The following GLYR1 variants were observed in gnomAD, a reference collection of about 807,000 sequenced individuals.
The protein encoded by GLYR1 is glyoxylate reductase 1 homolog, also known as cytokine-like nuclear factor N-PAC.
GLYR1 carries 21 observed loss-of-function variants against 72.7 expected under a neutral mutation model. The ratio of observed to expected loss-of-function variants is 0.29; its 90% confidence interval spans 0.20 to 0.42. The LOEUF (loss-of-function observed/expected upper bound fraction) is 0.42, where lower values mean the gene tolerates loss of function less well. Ranked by LOEUF, GLYR1 falls within the 10% of genes least tolerant of loss-of-function variation. GLYR1 has a pLI of 1.00. For missense variants in GLYR1, 594 were observed against 712.1 expected, an observed-to-expected ratio of 0.83 and a Z score of 1.89; for synonymous variants, 392 against 270.2, an observed-to-expected ratio of 1.45 and a Z score of -4.42.
chr16:4,817,210 C>G (rs890780566), intron 10 of GLYR1, among the ~76,000 whole-genome samples: 4 of 151,874 alleles, frequency 2.6e-5, no homozygotes, highest in African/African-American at 9.7e-5. Context: ...AGCTCTGCCT[C>G]CCGGGTTCAT....
intron 4 of GLYR1, 44 bp downstream of exon 4, chr16:4,832,730 T>A: frequency 6.4e-7 from 1 of 1,561,714 alleles, no homozygotes; most frequent in Non-Finnish European, 8.7e-7. Flanking sequence ...TATGCAAAAA[T>A]CACCAGTCTG....
intron 3 of GLYR1, among the ~76,000 whole-genome samples, chr16:4,842,175 T>C (rs1388598892): frequency 6.7e-6 from 1 of 148,338 alleles, no homozygotes; most frequent in Non-Finnish European, 1.5e-5. Context: ...ACCCGGGAGG[T>C]GGAGCTTGTA....
intron 3 of GLYR1, among the ~76,000 whole-genome samples, chr16:4,842,840 T>C (rs1479326359): frequency 1.3e-5 from 2 of 152,076 alleles, no homozygotes; most frequent in African/African-American, 2.4e-5. Flanking sequence ...GCTGGGATTA[T>C]AGGTGTGCAC....
chr16:4,844,885 G>A (rs972059670), intron 3 of GLYR1, among the ~76,000 whole-genome samples, 189 bp downstream of exon 3: 1 of 152,176 alleles, frequency 6.6e-6, no homozygotes, highest in Admixed American at 6.5e-5. Context: ...TATAGACCTA[G>A]GACAGTTGTC....
At chr16:4,846,837 G>A in intron 1 of GLYR1, 1 of 298,412 alleles carries the variant, frequency 3.4e-6, no homozygotes, top group Non-Finnish European at 6.3e-6. Context: ...TTGACCGAAT[G>A]GCACCGGCCA....
At chr16:4,806,631 C>T (rs1175690612) in intron 15 of GLYR1, among the ~76,000 whole-genome samples, 3 of 151,944 alleles carry the variant, frequency 2.0e-5, no homozygotes, top group Non-Finnish European at 4.4e-5. Context: ...CTCGACCCTG[C>T]CTCGACCTCC....
At chr16:4,843,646 T>G in intron 3 of GLYR1, 1 of 1,288,314 alleles carries the variant, frequency 7.8e-7, no homozygotes, top group South Asian at 1.2e-5. Flanking sequence ...TATAAACTCC[T>G]GGATGAGTGA....
chr16:4,804,879 A>G lies in GLYR1; in HGVS notation c.*357T>C, dbSNP rs1461944706. 3.5e-6 allele frequency: 1 copy of G among 283,904 alleles called. No individual in the cohort carries two copies. Among genetic ancestry groups the G allele is most frequent in the Non-Finnish European group, 6.8e-6 (1 of 146,038 alleles). 17.6% of individuals were successfully genotyped at this position (283,904 alleles called of 1,614,324 possible). The stretch of plus-strand genomic sequence containing the variant: ...GGGGTTTGAGATAAGACAAGCTCGG[A>G]AGAAAAAAAGCCAGGCAGCAGTTTC... On this transcript the variant is annotated 3_prime_UTR_variant, in exon 16 of 16. Coordinates refer to ENST00000321919, the MANE Select transcript of GLYR1 (RefSeq NM_032569.4).
At chr16:4,816,153 T>C (rs1417210397) in intron 10 of GLYR1, among the ~76,000 whole-genome samples, 1 of 152,142 alleles carries the variant, frequency 6.6e-6, no homozygotes, top group Non-Finnish European at 1.5e-5. Context: ...TTTTTGTCCT[T>C]TTTCTTTTCT....
At chr16:4,823,450 TAAAC>T (rs2084170669) in intron 6 of GLYR1, among the ~76,000 whole-genome samples, 1 of 152,138 alleles carries the variant, frequency 6.6e-6, no homozygotes, top group African/African-American at 2.4e-5. Flanking sequence ...ATAATAAAAC[TAAAC>T]ATAAAAGTTG....
At chr16:4,816,177 G>C (rs909262463) in intron 10 of GLYR1, among the ~76,000 whole-genome samples, 1 of 151,978 alleles carries the variant, frequency 6.6e-6, no homozygotes, top group Non-Finnish European at 1.5e-5. Flanking sequence ...ACAGGGTCTT[G>C]CTGCTGCCTA....
intron 10 of GLYR1, 108 bp downstream of exon 10, chr16:4,817,490 G>T (rs1206913786): frequency 1.5e-6 from 1 of 684,758 alleles, no homozygotes; most frequent in Non-Finnish European, 2.6e-6. Flanking sequence ...TAAAAGCTTG[G>T]CTTCTATTCT....
At chr16:4,825,753 G>A (rs1298058028) in intron 5 of GLYR1, among the ~76,000 whole-genome samples, 1 of 152,010 alleles carries the variant, frequency 6.6e-6, no homozygotes, top group African/African-American at 2.4e-5. Flanking sequence ...CTGGGTTCCA[G>A]CGATTCTCCT....
In GLYR1 at chr16:4,816,999, A is replaced by G. The variant is rs544856402; in HGVS notation, c.906+599T>C. 1.8e-3 allele frequency among the ~76,000 whole-genome samples: 270 copies of G among 149,780 alleles called. 2 individuals carry two copies. Among genetic ancestry groups the G allele is most frequent in the South Asian group, 3.6e-3 (17 of 4,718 alleles). Reference sequence around the variant, plus strand: ...TTGTTCTGTTGCCAGGCTGGAGTGCAGTGACACGATCTCAGCTCACTGCAA... The same window carrying G: ...TTGTTCTGTTGCCAGGCTGGAGTGCGGTGACACGATCTCAGCTCACTGCAA... On this transcript the variant is annotated intron_variant, in intron 10 of 15. Coordinates refer to ENST00000321919, the MANE Select transcript of GLYR1 (RefSeq NM_032569.4).
intron 2 of GLYR1, among the ~76,000 whole-genome samples, chr16:4,845,592 T>C (rs9934726): frequency 0.11 from 16,294 of 150,456 alleles, 1,008 homozygotes; most frequent in Admixed American, 0.18. Flanking sequence ...ACACAGGACA[T>C]AGTGAAAACA....
chr16:4,819,853 C>G (rs896216280), intron 9 of GLYR1, among the ~76,000 whole-genome samples: 3 of 152,140 alleles, frequency 2.0e-5, no homozygotes, highest in Non-Finnish European at 4.4e-5. Flanking sequence ...TTGCTAACTG[C>G]TTCAAGTTGT....
intron 3 of GLYR1, among the ~76,000 whole-genome samples, chr16:4,841,234 T>C (rs1217026467): frequency 6.6e-6 from 1 of 152,066 alleles, no homozygotes; most frequent in Non-Finnish European, 1.5e-5. Context: ...GGTTAAGCTC[T>C]GAAATTAACT....
chr16:4,823,187 T>C (rs1425009551), intron 6 of GLYR1, among the ~76,000 whole-genome samples: 4 of 152,272 alleles, frequency 2.6e-5, no homozygotes, highest in South Asian at 2.1e-4. Context: ...ATTATTCCAA[T>C]GAGCCTGTGG....
intron 15 of GLYR1, among the ~76,000 whole-genome samples, chr16:4,809,567 G>A (rs1181765933): frequency 2.0e-5 from 3 of 148,912 alleles, no homozygotes; most frequent in East Asian, 4.0e-4. Flanking sequence ...AGCCGAGATC[G>A]TGCCACTGTA....
Sources: allele counts gnomAD v4.1 joint callset (sites outside exome capture counted in the v4.1 genomes callset), GRCh38; gene constraint gnomAD v4.1.1; transcripts MANE v1.5; gene names NCBI Gene and HGNC (gene_info 2026-07-23, HGNC 2026-07-21).